Variants in TAFA1 observed in about 807,000 individuals in gnomAD.
TAFA1 encodes the protein TAFA chemokine like family member 1, also known as chemokine-like protein TAFA-1.
TAFA1 carries 4 observed loss-of-function variants against 18.5 expected under a neutral mutation model. That is an observed-to-expected ratio of 0.22 (90% CI 0.11 to 0.49). The LOEUF (loss-of-function observed/expected upper bound fraction) is 0.49, where lower values mean the gene tolerates loss of function less well. Among genes scored for constraint, TAFA1 ranks in the 20% least tolerant of loss-of-function variants. TAFA1 has a pLI of 0.98. For synonymous variants in TAFA1, 56 were observed against 55.2 expected (o/e 1.01, Z -0.06); for missense variants, 147 against 169.0 (o/e 0.87, Z 0.72).
At chr3:68,176,279 T>C (rs2066124554) in intron 2 of TAFA1, among the ~76,000 whole-genome samples, 1 of 152,172 alleles carries the variant, frequency 6.6e-6, no homozygotes, top group Non-Finnish European at 1.5e-5. Flanking sequence ...GCCAGGAGTT[T>C]GAGACAAGCC....
At chr3:68,114,054 G>A (rs1004109891) in intron 2 of TAFA1, among the ~76,000 whole-genome samples, 14 of 151,812 alleles carry the variant, frequency 9.2e-5, no homozygotes, top group African/African-American at 2.7e-4. Context: ...ACAGGCACCC[G>A]CCACCATGCC....
intron 2 of TAFA1, among the ~76,000 whole-genome samples, chr3:68,163,057 TTAA>T (rs999199631): frequency 4.6e-5 from 7 of 152,344 alleles, no homozygotes; most frequent in African/African-American, 1.4e-4. Flanking sequence ...TTCTATAAAC[TTAA>T]TGACTAGAGA....
intron 2 of TAFA1, among the ~76,000 whole-genome samples, chr3:68,134,428 T>A (rs1448923760): frequency 6.6e-6 from 1 of 152,190 alleles, no homozygotes; most frequent in East Asian, 1.9e-4. Flanking sequence ...ACTGTAATTA[T>A]TTAAAGATCC....
At chr3:68,393,377 G>GAAA (rs2070303311) in intron 2 of TAFA1, among the ~76,000 whole-genome samples, 1 of 140,452 alleles carries the variant, frequency 7.1e-6, no homozygotes. Context: ...GCCTACCAAT[G>GAAA]GAAAAAAAAA....
chr3:68,160,599 G>A (rs1201822111), intron 2 of TAFA1, among the ~76,000 whole-genome samples: 1 of 152,200 alleles, frequency 6.6e-6, no homozygotes, highest in Non-Finnish European at 1.5e-5. Context: ...CCTCAGAGTT[G>A]TGAGAATTAA....
chr3:68,210,045 A>G (rs2066576650), intron 2 of TAFA1, among the ~76,000 whole-genome samples: 2 of 152,096 alleles, frequency 1.3e-5, no homozygotes, highest in African/African-American at 4.8e-5. Context: ...CGGGTTTGTA[A>G]TGAGCTTGTG....
intron 2 of TAFA1, among the ~76,000 whole-genome samples, chr3:68,286,151 C>T (rs2067999299): frequency 6.6e-6 from 1 of 152,074 alleles, no homozygotes; most frequent in Admixed American, 6.5e-5. Context: ...GCGGATGCTG[C>T]AGTGGGCCAA....
chr3:68,502,820 A>G (rs1290426801), intron 3 of TAFA1, among the ~76,000 whole-genome samples: 1 of 152,136 alleles, frequency 6.6e-6, no homozygotes, highest in Non-Finnish European at 1.5e-5. Context: ...CACAAAACCA[A>G]GCATTATTCT....
At chr3:68,081,035 C>G (rs987333412) in intron 2 of TAFA1, among the ~76,000 whole-genome samples, 87 of 152,052 alleles carry the variant, frequency 5.7e-4, no homozygotes, top group Non-Finnish European at 1.1e-3. Flanking sequence ...TTTCTCTAAA[C>G]TTCCCTTCTT....
intron 3 of TAFA1, among the ~76,000 whole-genome samples, chr3:68,450,839 T>A (rs1459275257): frequency 1.3e-5 from 2 of 152,190 alleles, no homozygotes; most frequent in African/African-American, 4.8e-5. Flanking sequence ...GTTATGTAAT[T>A]ATGATCTGAT....
chr3:68,483,971 C>T (rs183920466), intron 3 of TAFA1, among the ~76,000 whole-genome samples: 25 of 152,328 alleles, frequency 1.6e-4, no homozygotes, highest in Admixed American at 5.2e-4. Context: ...CAATCTGATA[C>T]GTACATTTTA....
intron 2 of TAFA1, among the ~76,000 whole-genome samples, chr3:68,081,929 G>A (rs77531061): frequency 6.6e-6 from 1 of 152,224 alleles, no homozygotes; most frequent in Admixed American, 6.5e-5. Flanking sequence ...CCACCTTGTA[G>A]TTTGATCTCA....
chr3:68,048,935 A>G (rs1173004777), intron 2 of TAFA1, among the ~76,000 whole-genome samples: 1 of 152,192 alleles, frequency 6.6e-6, no homozygotes, highest in Non-Finnish European at 1.5e-5. Flanking sequence ...ATGTGCAGAT[A>G]TCTCTTTGAT....
At chr3:68,053,472 C>T (rs905388498) in intron 2 of TAFA1, among the ~76,000 whole-genome samples, 8 of 152,066 alleles carry the variant, frequency 5.3e-5, no homozygotes, top group African/African-American at 1.7e-4. Context: ...ATCAGGTCTA[C>T]CTACTAGATA....
intron 3 of TAFA1, among the ~76,000 whole-genome samples, chr3:68,524,300 C>T (rs558355875): frequency 3.3e-5 from 5 of 152,076 alleles, no homozygotes; most frequent in African/African-American, 9.7e-5. Context: ...ACCTTCAAAT[C>T]TCTTCTTGTC....
intron 2 of TAFA1, among the ~76,000 whole-genome samples, chr3:68,210,479 G>A (rs2066582444): frequency 6.6e-6 from 1 of 151,990 alleles, no homozygotes; most frequent in African/African-American, 2.4e-5. Context: ...TATCCTCCAG[G>A]ATTACCTGAC....
At chr3:68,240,854 T>C (rs1409154130) in intron 2 of TAFA1, among the ~76,000 whole-genome samples, 1 of 152,198 alleles carries the variant, frequency 6.6e-6, no homozygotes, top group African/African-American at 2.4e-5. Context: ...CCTCCTTTTA[T>C]CAGTCTAGGC....
intron 2 of TAFA1, among the ~76,000 whole-genome samples, chr3:68,028,126 C>T (rs1034336895): frequency 6.6e-6 from 1 of 152,012 alleles, no homozygotes; most frequent in Non-Finnish European, 1.5e-5. Context: ...ATGGTGAAAC[C>T]CCGTCTCTAC....
intron 2 of TAFA1, among the ~76,000 whole-genome samples, chr3:68,011,672 C>G (rs1704474489): frequency 6.6e-6 from 1 of 152,102 alleles, no homozygotes; most frequent in Admixed American, 6.5e-5. Context: ...CGCATATTGG[C>G]TCTTTAAGAA....
Sources: gnomAD v4.1 joint callset for allele counts (sites outside exome capture counted in the v4.1 genomes callset) on GRCh38, gnomAD v4.1.1 for gene constraint, MANE v1.5 for transcripts, NCBI Gene and HGNC (gene_info 2026-07-23, HGNC 2026-07-21) for gene names.